The following DMGDH variants were observed in gnomAD, a reference collection of about 807,000 sequenced individuals.
The protein encoded by DMGDH is dimethylglycine dehydrogenase.
In DMGDH, 76 loss-of-function variants were observed where a neutral mutation model predicts 95.2. The observed-to-expected ratio is 0.80, with a 90% confidence interval of 0.66 to 0.97. The LOEUF (loss-of-function observed/expected upper bound fraction) is 0.97, where lower values mean the gene tolerates loss of function less well. Ranked by LOEUF, DMGDH falls within the 50% of genes least tolerant of loss-of-function variation. The probability of loss-of-function intolerance (pLI) is 0.00; values close to 1 mark genes in which losing one functional copy is unlikely to be tolerated. For synonymous variants in DMGDH, 345 were observed against 377.6 expected (o/e 0.91, Z 1.00); for missense variants, 987 against 1,055.0 (o/e 0.94, Z 0.89).
intron 5 of DMGDH, among the ~76,000 whole-genome samples, chr5:79,050,274 AT>A (rs1754816560): frequency 3.3e-3 from 57 of 17,020 alleles, no homozygotes; most frequent in African/African-American, 5.4e-3. Flanking sequence ...AAAAAAAAAA[AT>A]ATATATATAT....
chr5:79,060,739 T>C (rs990293871), intron 2 of DMGDH, among the ~76,000 whole-genome samples: 2 of 150,864 alleles, frequency 1.3e-5, no homozygotes, highest in African/African-American at 4.9e-5. Context: ...GCCAACATGG[T>C]GAAACCTCAT....
intron 14 of DMGDH, among the ~76,000 whole-genome samples, chr5:79,019,544 C>A (rs6453424): frequency 0.33 from 50,223 of 151,634 alleles, 9,078 homozygotes; most frequent in African/African-American, 0.48. Context: ...GGGGTAGGTC[C>A]ATGTACTTAA....
intron 7 of DMGDH, among the ~76,000 whole-genome samples, chr5:79,039,306 C>A (rs982289325): frequency 4.6e-5 from 7 of 152,054 alleles, no homozygotes; most frequent in Non-Finnish European, 4.4e-5. Flanking sequence ...TTGGAACCAA[C>A]CCAAATGTGC....
chr5:79,050,488 A>T (rs1754822878), intron 5 of DMGDH, among the ~76,000 whole-genome samples: 1 of 152,166 alleles, frequency 6.6e-6, no homozygotes, highest in African/African-American at 2.4e-5. Flanking sequence ...ATTATAAACC[A>T]TAGGAAAATA....
chr5:79,042,546 T>A, intron 6 of DMGDH, 65 bp from the exon 7 acceptor site: 1 of 1,508,346 alleles, frequency 6.6e-7, no homozygotes, highest in Non-Finnish European at 9.2e-7. Flanking sequence ...TAAAGTGATT[T>A]AAGCCTCTGA....
chr5:79,064,727 A>AAT (rs1755320097), intron 1 of DMGDH, among the ~76,000 whole-genome samples: 2 of 151,964 alleles, frequency 1.3e-5, no homozygotes, highest in African/African-American at 4.8e-5. Flanking sequence ...TCTATTACAA[A>AAT]ATATATATAT....
chr5:79,058,577 G>A (rs1755099575), intron 2 of DMGDH, among the ~76,000 whole-genome samples: 2 of 152,126 alleles, frequency 1.3e-5, no homozygotes, highest in Non-Finnish European at 2.9e-5. Context: ...GGAAAGAGAA[G>A]ATGCCAGAAA....
chr5:79,061,220 AACACACACAC>A (rs34931005), intron 2 of DMGDH, among the ~76,000 whole-genome samples: 2,230 of 141,696 alleles, frequency 0.016, 48 homozygotes, highest in African/African-American at 0.052. Context: ...CTCTGTCTCA[AACACACACAC>A]ACACACACAC....
rs762677784 is a variant in DMGDH at position 79,042,450 on chromosome 5, T to C, written c.1026A>G (p.Leu342=). The C allele has an allele frequency of 1.2e-6, 2 of 1,614,172 alleles. No individual in the cohort carries two copies. The highest frequency in any genetic ancestry group is 1.7e-6 in the Non-Finnish European group (2 of 1,180,014). The change falls in exon 7 of 16, where the codon CTA becomes CTG. Residue 342 remains leucine (L), a synonymous_variant. Coordinates refer to ENST00000255189, the MANE Select transcript of DMGDH (RefSeq NM_013391.3). Reference sequence around the variant, plus strand: ...CTTTGATGTGTTCCATGATTCGATCTAGATCAGACTCAAAGAGTTCCTTTC... The same window carrying C: ...CTTTGATGTGTTCCATGATTCGATCCAGATCAGACTCAAAGAGTTCCTTTC... ...GFGKELFESD[L]DRIMEHIKAA...
At chr5:79,048,378 C>T (rs1430039226) in intron 5 of DMGDH, among the ~76,000 whole-genome samples, 3 of 152,148 alleles carry the variant, frequency 2.0e-5, no homozygotes, top group Admixed American at 2.0e-4. Context: ...TACTCTTAGA[C>T]TTTTCTTTTT....
chr5:79,029,031 A>C (rs1193133268), intron 11 of DMGDH, among the ~76,000 whole-genome samples: 2 of 152,200 alleles, frequency 1.3e-5, no homozygotes, highest in Non-Finnish European at 2.9e-5. Context: ...AGGCACACTT[A>C]TGTTGCTAAA....
chr5:79,047,470 T>C (rs1285808220), intron 5 of DMGDH, among the ~76,000 whole-genome samples: 1 of 152,178 alleles, frequency 6.6e-6, no homozygotes, highest in Non-Finnish European at 1.5e-5. Flanking sequence ...TGATTTGCCA[T>C]GTTAGGAAAA....
chr5:79,007,860 A>G (rs1251403960), intron 14 of DMGDH, among the ~76,000 whole-genome samples: 1 of 152,206 alleles, frequency 6.6e-6, no homozygotes, highest in Non-Finnish European at 1.5e-5. Flanking sequence ...ATACTGTGTT[A>G]GGCAGCGGGT....
intron 2 of DMGDH, among the ~76,000 whole-genome samples, chr5:79,061,220 AACACACACACACACACACACACAC>A (rs34931005): frequency 7.1e-6 from 1 of 141,756 alleles, no homozygotes; most frequent in African/African-American, 2.7e-5. Flanking sequence ...CTCTGTCTCA[AACACACACACACACACACACACAC>A]ACACACACAC....
Position 79,005,334 on chromosome 5 carries a change from A to C in DMGDH, c.2324T>G (p.Leu775Arg), listed in dbSNP as rs201416183. The change falls in exon 15 of 16, where the codon CTC becomes CGC. Residue 775 changes from leucine to arginine, a missense_variant. By Grantham distance (102) the Leu-to-Arg change is moderately radical. Transcript: ENST00000255189. Reference protein sequence around the residue: ...AKGLKRRLVCLTLATDDVDPE... With the variant: ...AKGLKRRLVCRTLATDDVDPE... ...ATCAACATCATCCGTTGCCAAGGTG[A>C]GGCAGACCAGTCTTCGTTTCAGCCC... is the stretch of plus-strand genomic sequence containing the variant. The C allele has an allele frequency of 1.2e-6, 2 of 1,613,770 alleles. No homozygotes were observed. The highest frequency in any genetic ancestry group is 2.2e-5 in the East Asian group (1 of 44,872).
In DMGDH at chr5:79,055,725, A is replaced by C. The variant is rs1048608205; in HGVS notation, c.375+85T>G. 1.4e-5 allele frequency: 12 copies of C among 880,154 alleles called. No individual in the cohort carries two copies. The African/African-American group carries it at 1.6e-4, about 12-fold the overall frequency. 54.5% of individuals were successfully genotyped at this position (880,154 alleles called of 1,614,324 possible). ...CATTAAGCACTCCACACGGTCATAC[A>C]CAATGATGCATCAAAATCCTTCAGA... On this transcript the variant is annotated intron_variant, in intron 3 of 15. Coordinates refer to ENST00000255189, the MANE Select transcript of DMGDH (RefSeq NM_013391.3).
At chr5:79,021,724 G>T (rs1341007809) in intron 14 of DMGDH, 1 of 1,289,312 alleles carries the variant, frequency 7.8e-7, no homozygotes. Flanking sequence ...AACATGTGGG[G>T]GAAGTGTCTA....
At chr5:79,047,171 G>T (rs1205744423) in intron 5 of DMGDH, among the ~76,000 whole-genome samples, 1 of 152,138 alleles carries the variant, frequency 6.6e-6, no homozygotes, top group East Asian at 1.9e-4. Flanking sequence ...AGAGAGACAA[G>T]TGTGGAAGAC....
At chr5:79,050,494 A>G (rs572318080) in intron 5 of DMGDH, among the ~76,000 whole-genome samples, 8 of 152,230 alleles carry the variant, frequency 5.3e-5, no homozygotes, top group Admixed American at 5.2e-4. Context: ...AACCATAGGA[A>G]AATATAGACT....
Sources: allele counts gnomAD v4.1 joint callset (sites outside exome capture counted in the v4.1 genomes callset), GRCh38; gene constraint gnomAD v4.1.1; transcripts MANE v1.5; gene names NCBI Gene and HGNC (gene_info 2026-07-23, HGNC 2026-07-21).